The following ENTPD1 variants were observed in gnomAD, a reference collection of about 807,000 sequenced individuals.
ENTPD1 encodes ectonucleoside triphosphate diphosphohydrolase 1.
Under a neutral mutation model 57.0 loss-of-function variants are expected in ENTPD1, and 33 were observed. The ratio of observed to expected loss-of-function variants is 0.58; its 90% CI spans 0.44 to 0.77. The LOEUF (loss-of-function observed/expected upper bound fraction) is 0.77, where lower values mean the gene tolerates loss of function less well. Ranked by LOEUF, ENTPD1 falls within the 30% of genes least tolerant of loss-of-function variation. The probability of loss-of-function intolerance (pLI) is 0.00; values close to 1 mark genes in which losing one functional copy is unlikely to be tolerated. For synonymous variants in ENTPD1, 202 were observed against 218.8 expected, an observed-to-expected ratio of 0.92 and a Z score of 0.68; for missense variants, 501 against 603.4, an observed-to-expected ratio of 0.83 and a Z score of 1.78.
upstream of ENTPD1, among the ~76,000 whole-genome samples, chr10:95,710,921 C>T (rs1247755823): frequency 2.6e-5 from 4 of 152,152 alleles, no homozygotes; most frequent in African/African-American, 7.2e-5. Flanking sequence ...ATTGCCCAGC[C>T]TCTTTCGCAG....
intron 1 of ENTPD1, among the ~76,000 whole-genome samples, chr10:95,814,374 T>C (rs544841926): frequency 6.6e-6 from 1 of 152,338 alleles, no homozygotes; most frequent in Non-Finnish European, 1.5e-5. Context: ...TTCCCATACA[T>C]AGAGCCTCTG....
intron 1 of ENTPD1, among the ~76,000 whole-genome samples, chr10:95,759,255 A>G (rs2098045137): frequency 6.6e-6 from 1 of 152,226 alleles, no homozygotes; most frequent in African/African-American, 2.4e-5. Flanking sequence ...ACGTCCCTCT[A>G]TGTGGATACA....
At chr10:95,709,736 A>T (rs2097964018), upstream of ENTPD1, among the ~76,000 whole-genome samples, 1 of 150,560 alleles carries the variant, frequency 6.6e-6, no homozygotes, top group East Asian at 2.0e-4. Flanking sequence ...CTGCTCCCCA[A>T]GATGCAGTGT....
intron 1 of ENTPD1, among the ~76,000 whole-genome samples, chr10:95,758,754 G>A (rs568645409): frequency 6.6e-6 from 1 of 152,206 alleles, no homozygotes; most frequent in Admixed American, 6.5e-5. Context: ...GGTACAGGAG[G>A]TAGCCACAGA....
At chr10:95,735,956 A>G (rs1378119770) in intron 1 of ENTPD1, among the ~76,000 whole-genome samples, 1 of 151,748 alleles carries the variant, frequency 6.6e-6, no homozygotes, top group African/African-American at 2.4e-5. Context: ...TTTGAAAACA[A>G]TAGGAGTTGT....
At chr10:95,758,495 T>C (rs2098040319) in intron 1 of ENTPD1, among the ~76,000 whole-genome samples, 1 of 152,166 alleles carries the variant, frequency 6.6e-6, no homozygotes, top group East Asian at 1.9e-4. Flanking sequence ...CTCTAATCCT[T>C]CAAGTCTAGA....
In ENTPD1 at chr10:95,791,659, C is replaced by G. The variant is rs972799682; in HGVS notation, c.17-31578C>G. 6.6e-6 allele frequency among the ~76,000 whole-genome samples: 1 copy of G among 152,136 alleles called. No individual in the cohort carries two copies. The highest frequency in any genetic ancestry group is 6.6e-5 in the Admixed American group (1 of 15,266). ...AATACCCATCTTTTAAACAGGATTA[C>G]CACTTGGAAGGAGTTGGACTAAGTT... is the stretch of plus-strand genomic sequence containing the variant. On this transcript the variant is annotated intron_variant, in intron 1 of 9. Coordinates refer to ENST00000371205, the MANE Select transcript of ENTPD1 (RefSeq NM_001776.6). The surrounding 1 kb of genome is among the most constrained non-coding windows in gnomAD (Gnocchi z 4.1).
chr10:95,755,909 G>A, upstream of ENTPD1: 5 of 1,511,184 alleles, frequency 3.3e-6, no homozygotes, highest in Non-Finnish European at 3.5e-6. Context: ...GAGGGAGTAA[G>A]GGAGAGAGGG....
At chr10:95,756,843 G>C (rs984412566) in intron 1 of ENTPD1, 8 of 152,002 alleles carry the variant, frequency 5.3e-5, no homozygotes, top group African/African-American at 1.9e-4. Context: ...GGGACAGAGT[G>C]GGGGACGGGG....
At chr10:95,707,831 C>T (rs1044332004), upstream of ENTPD1, among the ~76,000 whole-genome samples, 2 of 152,198 alleles carry the variant, frequency 1.3e-5, no homozygotes, top group African/African-American at 2.4e-5. Context: ...TCTTGAACTC[C>T]TGACCTCAAG....
chr10:95,865,316 G>A (rs1274202279), intron 9 of ENTPD1, among the ~76,000 whole-genome samples: 2 of 152,192 alleles, frequency 1.3e-5, no homozygotes, highest in African/African-American at 4.8e-5. Context: ...GGACTGAGTG[G>A]CTGTGAATGA....
In ENTPD1 at chr10:95,872,997, T is replaced by C; in HGVS notation, c.*6614T>C. 3 of 984,902 alleles carry C rather than the reference T, an allele frequency of 3.0e-6. No individual in the cohort carries two copies. The highest frequency in any genetic ancestry group is 3.6e-6 in the Non-Finnish European group (3 of 829,464). 61.0% of individuals were successfully genotyped at this position (984,902 alleles called of 1,614,324 possible). Reference sequence around the variant, plus strand: ...GATTAGAATGAACCTTAAAAGATCATGCATCTCAAAATTTAATGTACATAC... The same window carrying C: ...GATTAGAATGAACCTTAAAAGATCACGCATCTCAAAATTTAATGTACATAC... On this transcript the variant is annotated 3_prime_UTR_variant, in exon 10 of 10. Coordinates refer to ENST00000371205, the MANE Select transcript of ENTPD1 (RefSeq NM_001776.6).
intron 1 of ENTPD1, among the ~76,000 whole-genome samples, chr10:95,764,877 C>T (rs1185675896): frequency 6.6e-6 from 1 of 152,006 alleles, no homozygotes; most frequent in Non-Finnish European, 1.5e-5. Flanking sequence ...CATGTGCCAC[C>T]ACACCCGGCT....
chr10:95,724,745 TG>T (rs1204493178), intron 1 of ENTPD1, among the ~76,000 whole-genome samples: 1 of 152,102 alleles, frequency 6.6e-6, no homozygotes, highest in Admixed American at 6.5e-5. Context: ...ACAGCAGTGG[TG>T]GATGGCAAGC....
At chr10:95,731,857 A>G (rs2097989664) in intron 1 of ENTPD1, among the ~76,000 whole-genome samples, 1 of 124,006 alleles carries the variant, frequency 8.1e-6, no homozygotes, top group Non-Finnish European at 1.6e-5. Context: ...ATCTCGGCTC[A>G]CTGCAACCTC....
chr10:95,873,510 C>T lies in ENTPD1; in HGVS notation c.*7127C>T. The T allele has an allele frequency of 1.0e-6, 1 of 985,432 alleles. No homozygotes were observed. The highest frequency in any genetic ancestry group is 1.2e-6 in the Non-Finnish European group (1 of 829,958). 61.0% of individuals were successfully genotyped at this position (985,432 alleles called of 1,614,324 possible). On this transcript the variant is annotated 3_prime_UTR_variant, in exon 10 of 10. Transcript: ENST00000371205. ...GTATTAGATGTATTACCTCCATGCT[C>T]TCAGTAGAGGCCCATAGGAAAGAGT...
intron 1 of ENTPD1, among the ~76,000 whole-genome samples, chr10:95,747,902 C>T (rs1324867787): frequency 3.3e-5 from 5 of 149,514 alleles, no homozygotes; most frequent in Non-Finnish European, 4.4e-5. Flanking sequence ...AGTGGAGTCT[C>T]GCTCTGTCGC....
At chr10:95,764,404 C>T (rs556332170) in intron 1 of ENTPD1, among the ~76,000 whole-genome samples, 1 of 152,148 alleles carries the variant, frequency 6.6e-6, no homozygotes, top group African/African-American at 2.4e-5. Context: ...GGTTATATAC[C>T]TAGGAGCAAA....
chr10:95,708,801 C>T (rs1390017151), upstream of ENTPD1, among the ~76,000 whole-genome samples: 3 of 152,114 alleles, frequency 2.0e-5, no homozygotes, highest in African/African-American at 7.2e-5. Context: ...AACTCTTAAC[C>T]CAGTGTCTAA....
Sources: gnomAD v4.1 joint callset for allele counts (sites outside exome capture counted in the v4.1 genomes callset) on GRCh38, gnomAD v4.1.1 for gene constraint, Gnocchi (gnomAD v3.1) non-coding constraint, MANE v1.5 for transcripts, NCBI Gene and HGNC (gene_info 2026-07-23, HGNC 2026-07-21) for gene names.